The following MYBPC2 variants were observed in gnomAD, a reference collection of about 807,000 sequenced individuals.
The protein encoded by MYBPC2 is myosin binding protein C2, also known as myosin-binding protein C, fast-type.
Under a neutral mutation model 137.0 loss-of-function variants are expected in MYBPC2, and 122 were observed. The observed-to-expected ratio is 0.89, with a 90% CI of 0.77 to 1.03. MYBPC2 has a LOEUF of 1.03. Among genes scored for constraint, MYBPC2 ranks in the 50% least tolerant of loss-of-function variants. The pLI, the probability that MYBPC2 is intolerant of heterozygous loss-of-function variation, is 0.00. For synonymous variants in MYBPC2, 626 were observed against 612.3 expected, an observed-to-expected ratio of 1.02 and a Z score of -0.33; for missense variants, 1,500 against 1,534.4, an observed-to-expected ratio of 0.98 and a Z score of 0.37.
At chr19:50,453,392 CAGGAAGGCTTCCTGGAAG>C (rs2039878503) in intron 16 of MYBPC2, among the ~76,000 whole-genome samples, 1 of 152,196 alleles carries the variant, frequency 6.6e-6, no homozygotes, top group Admixed American at 6.5e-5. Flanking sequence ...TAAGGGTATC[CAGGAAGGCTTCCTGGAAG>C]AGGTGTCTTC....
rs1341053794 is a variant in MYBPC2 at position 50,437,703 on chromosome 19, G to T, written c.557G>T (p.Gly186Val). 1.2e-6 allele frequency: 2 copies of T among 1,603,886 alleles called. No homozygotes were observed. The highest frequency in any genetic ancestry group is 2.2e-5 in the East Asian group (1 of 44,612). Residue 186 changes from glycine to valine, a missense_variant, in exon 7 of 28, where the codon GGC becomes GTC. Gly to Val is a moderately radical substitution (Grantham distance 109). Coordinates refer to ENST00000357701, the MANE Select transcript of MYBPC2 (RefSeq NM_004533.4). Reference sequence around the variant, plus strand: ...ACTGCAGGTGAGCTGGATTTCAGTGGCCTGTTGAAGAAGAGGTGAGCCCCG... The same window carrying T: ...ACTGCAGGTGAGCTGGATTTCAGTGTCCTGTTGAAGAAGAGGTGAGCCCCG... ...SDTAGELDFS[G>V]LLKKREVVEE... is the part of the protein sequence containing the mutation.
At position 50,455,625 on chromosome 19, in the gene MYBPC2, G is replaced by C. The variant is rs759810727; in HGVS notation, c.2319G>C (p.Val773=). The C allele has an allele frequency of 7.4e-5, 119 of 1,613,822 alleles. No individual in the cohort carries two copies. Among genetic ancestry groups the C allele is most frequent in the Non-Finnish European group, 8.8e-5 (104 of 1,179,880 alleles). Residue 773 remains valine, a synonymous_variant, in exon 20 of 28, where the codon GTG becomes GTC. Transcript: ENST00000357701. ...CAGGTGGCATCGATGGGTACCTGGT[G>C]GAGTACTGCCTGGAAGGCTGTGAGT... is the stretch of plus-strand genomic sequence containing the variant. ...IGAGGIDGYL[V]EYCLEGSEEW... is the part of the protein sequence containing the mutation.
In MYBPC2 at chr19:50,460,163, C is replaced by T. The variant is rs761904901; in HGVS notation, c.2915C>T (p.Ala972Val). ...SEIMGYFVQK[A>V]DKKTMEWFNV... ...ATCATGGGGTATTTCGTCCAGAAAGCAGACAAAAAAACCATGGTGAGAGAG... is the reference window on the plus strand; with the variant it reads ...ATCATGGGGTATTTCGTCCAGAAAGTAGACAAAAAAACCATGGTGAGAGAG... The change falls in exon 24 of 28, where the codon GCA becomes GTA. Residue 972 changes from alanine to valine, a missense_variant. Coordinates refer to ENST00000357701, the MANE Select transcript of MYBPC2 (RefSeq NM_004533.4). 1.2e-6 allele frequency: 2 copies of T among 1,600,434 alleles called. No homozygotes were observed. Among genetic ancestry groups the T allele is most frequent in the South Asian group, 2.3e-5 (2 of 88,484 alleles).
chr19:50,440,117 G>A (rs1163465626), intron 7 of MYBPC2, among the ~76,000 whole-genome samples: 3 of 152,014 alleles, frequency 2.0e-5, no homozygotes, highest in African/African-American at 7.2e-5. Flanking sequence ...TCCTCCTGAG[G>A]GCAGTGGGGA....
intron 24 of MYBPC2, among the ~76,000 whole-genome samples, chr19:50,460,836 A>G (rs1173457589): frequency 6.6e-6 from 1 of 151,418 alleles, no homozygotes; most frequent in Non-Finnish European, 1.5e-5. Flanking sequence ...TGTAGCTGGG[A>G]ATACAGGCAC....
chr19:50,448,252 T>C lies in MYBPC2; in HGVS notation c.1334T>C (p.Ile445Thr), dbSNP rs776530736. The C allele has an allele frequency of 2.2e-5, 36 of 1,613,616 alleles. No homozygotes were observed. The highest frequency in any genetic ancestry group is 3.0e-5 in the Non-Finnish European group (35 of 1,179,724). The change falls in exon 13 of 28, where the codon ATC (isoleucine) becomes ACC (threonine). Residue 445 changes from isoleucine to threonine, a missense_variant. Transcript: ENST00000357701. ...AAACAGCTGGAGGTCCTGCAGGACA[T>C]CGCGGATCTGACGGTGAAGGCCTCA... ...EEKQLEVLQD[I>T]ADLTVKASEQ... is the part of the protein sequence containing the mutation.
chr19:50,460,277 A>T, intron 24 of MYBPC2, 98 bp downstream of exon 24: 1 of 1,452,208 alleles, frequency 6.9e-7, no homozygotes, highest in Non-Finnish European at 9.2e-7. Context: ...GGAGGGGCCC[A>T]GAGGCTAGAG....
At position 50,461,888 on chromosome 19, in the gene MYBPC2, C is replaced by A; in HGVS notation, c.3092-12C>A. ...AGATCAGTCGCCTTACGGGTGCATC[C>A]TCTCTCCCCAGGAATCACCTTCAAA... On this transcript the variant is annotated splice_polypyrimidine_tract_variant and intron_variant, in intron 25 of 27. Coordinates refer to ENST00000357701, the MANE Select transcript of MYBPC2 (RefSeq NM_004533.4). 3 of 1,593,154 alleles carry A rather than the reference C, an allele frequency of 1.9e-6. No individual in the cohort carries two copies. Among genetic ancestry groups the A allele is most frequent in the East Asian group, 2.3e-5 (1 of 43,916 alleles).
chr19:50,442,336 C>T (rs45528936), intron 9 of MYBPC2, 23 bp downstream of exon 9: 21,555 of 1,604,144 alleles, frequency 0.013, 173 homozygotes, highest in Non-Finnish European at 0.016. Flanking sequence ...TGGGCAGTCC[C>T]TGCACCGGGG....
At chr19:50,433,025 G>T in intron 1 of MYBPC2, 53 bp downstream of exon 1, 1 of 1,534,498 alleles carries the variant, frequency 6.5e-7, no homozygotes, top group East Asian at 2.3e-5. Flanking sequence ...TTTTCTGGAT[G>T]GGGATTTGGG....
chr19:50,454,586 C>T (rs751927037), intron 18 of MYBPC2, among the ~76,000 whole-genome samples: 3 of 151,848 alleles, frequency 2.0e-5, no homozygotes, highest in Non-Finnish European at 2.9e-5. Context: ...CCACCACGCC[C>T]GGCTAATTTT....
At position 50,434,910 on chromosome 19, in the gene MYBPC2, G is replaced by A. The variant is rs977978511; in HGVS notation, c.20-251G>A. Among the ~76,000 whole-genome samples the A allele has an allele frequency of 9.9e-5, 15 of 152,282 alleles. No individual in the cohort carries two copies. In the South Asian group the frequency reaches 1.5e-3, roughly 15 times the overall value. Reference sequence around the variant, plus strand: ...GCGGATGGGGCAGGGCCTGCTGGGGGTAAGGGAAACCCGATCCCACAGACT... The same window carrying A: ...GCGGATGGGGCAGGGCCTGCTGGGGATAAGGGAAACCCGATCCCACAGACT... On this transcript the variant is annotated intron_variant, in intron 1 of 27. Coordinates refer to ENST00000357701, the MANE Select transcript of MYBPC2 (RefSeq NM_004533.4).
chr19:50,458,730 C>T lies in MYBPC2; in HGVS notation c.2482C>T (p.Pro828Ser). The T allele has an allele frequency of 1.9e-6, 3 of 1,608,804 alleles. No individual in the cohort carries two copies. Among genetic ancestry groups the T allele is most frequent in the African/African-American group, 2.7e-5 (2 of 75,062 alleles). Reference sequence around the variant, plus strand: ...CAGCGAGCCGGCCACCCTGGCCCAGCCGGTCACCATCAGGGAGATTGCGGG... The same window carrying T: ...CAGCGAGCCGGCCACCCTGGCCCAGTCGGTCACCATCAGGGAGATTGCGGG... ...GRSEPATLAQ[P>S]VTIREIAEPP... Residue 828 changes from proline (P) to serine (S), a missense_variant, in exon 21 of 28, where the codon CCG (proline) becomes TCG (serine). Physicochemically the swap from Pro to Ser is moderately conservative, Grantham distance 74. Transcript: ENST00000357701.
At chr19:50,444,308 A>T (rs1230721508) in intron 11 of MYBPC2, among the ~76,000 whole-genome samples, 3 of 150,342 alleles carry the variant, frequency 2.0e-5, no homozygotes, top group South Asian at 2.1e-4. Context: ...CCATCCATCC[A>T]TCCATCCATC....
At chr19:50,455,736 G>C (rs1265542576) in intron 20 of MYBPC2, 92 bp downstream of exon 20, 8 of 1,542,556 alleles carry the variant, frequency 5.2e-6, no homozygotes, top group Non-Finnish European at 7.0e-6. Flanking sequence ...GTGGGACAGA[G>C]ATGGGTGCAG....
intron 14 of MYBPC2, 23 bp from the exon 15 acceptor site, chr19:50,451,257 G>C (rs2039854291): frequency 6.2e-7 from 1 of 1,613,494 alleles, no homozygotes; most frequent in Non-Finnish European, 8.5e-7. Context: ...AGACCTAACT[G>C]TCCAGTCTTC....
At chr19:50,438,558 T>C (rs993396084) in intron 7 of MYBPC2, among the ~76,000 whole-genome samples, 1 of 152,104 alleles carries the variant, frequency 6.6e-6, no homozygotes, top group Non-Finnish European at 1.5e-5. Flanking sequence ...GTAAAATTGA[T>C]GTTCTGCAGG....
chr19:50,445,434 C>G (rs1273416178), intron 11 of MYBPC2, among the ~76,000 whole-genome samples: 2 of 151,132 alleles, frequency 1.3e-5, no homozygotes, highest in Non-Finnish European at 3.0e-5. Context: ...ACTCTGTCAC[C>G]CAGGCTGGAG....
Position 50,460,708 on chromosome 19 carries a change from C to CT in MYBPC2, c.2931+537dup, listed in dbSNP as rs201550944. On this transcript the variant is annotated intron_variant, in intron 24 of 27. Transcript: ENST00000357701. ...ATGCAGAAATCCTGTTTTTAGAATT[C>CT]TTTTTTTTGAGACAGGGTCTTACTC... Among the ~76,000 whole-genome samples the CT allele has an allele frequency of 5.8e-3, 887 of 152,092 alleles. 3 individuals are homozygous for CT. Among genetic ancestry groups the CT allele is most frequent in the Non-Finnish European group, 9.3e-3 (630 of 67,964 alleles).
Sources: gnomAD v4.1 joint callset for allele counts (sites outside exome capture counted in the v4.1 genomes callset) on GRCh38, gnomAD v4.1.1 for gene constraint, MANE v1.5 for transcripts, NCBI Gene and HGNC (gene_info 2026-07-23, HGNC 2026-07-21) for gene names.